The following KATNAL2 variants were observed in gnomAD, a reference collection of about 807,000 sequenced individuals.
The protein encoded by KATNAL2 is katanin catalytic subunit A1 like 2.
Under a neutral mutation model 76.3 loss-of-function variants are expected in KATNAL2, and 52 were observed. That is an observed-to-expected ratio of 0.68 (90% CI 0.55 to 0.86). The LOEUF is 0.86. Ranked by LOEUF, KATNAL2 falls within the 40% of genes least tolerant of loss-of-function variation. The pLI is 0.00. For synonymous variants in KATNAL2, 243 were observed against 244.2 expected, an observed-to-expected ratio of 1.00 and a Z score of 0.05; for missense variants, 660 against 668.9, an observed-to-expected ratio of 0.99 and a Z score of 0.15.
intron 8 of KATNAL2, among the ~76,000 whole-genome samples, chr18:47,061,915 C>T (rs1465407315): frequency 2.0e-5 from 3 of 151,530 alleles, no homozygotes; most frequent in African/African-American, 7.3e-5. Context: ...CTAGGGGGGA[C>T]AGGGTGATAT....
chr18:47,050,069 G>T (rs942177867), intron 4 of KATNAL2, among the ~76,000 whole-genome samples: 10 of 152,120 alleles, frequency 6.6e-5, no homozygotes, highest in Admixed American at 4.6e-4. Flanking sequence ...TGGTAGAGAT[G>T]AGATTTATCT....
chr18:47,070,618 A>C (rs1437040739), intron 13 of KATNAL2, among the ~76,000 whole-genome samples: 1 of 152,184 alleles, frequency 6.6e-6, no homozygotes, highest in Non-Finnish European at 1.5e-5. Flanking sequence ...TGAATATAAA[A>C]TATTACGTAT....
At chr18:47,093,454 G>T (rs1599867818) in intron 15 of KATNAL2, among the ~76,000 whole-genome samples, 2 of 128,720 alleles carry the variant, frequency 1.6e-5, no homozygotes, top group South Asian at 2.5e-4. Context: ...CTGTAATAAT[G>T]TTCTCATTTA....
chr18:47,032,943 G>T (rs140605887), intron 3 of KATNAL2: 27 of 1,612,218 alleles, frequency 1.7e-5, no homozygotes, highest in Middle Eastern at 2.0e-4. Flanking sequence ...TCCCCAACCC[G>T]CATTGACTTT....
Position 47,032,018 on chromosome 18 carries a change from G to A in KATNAL2, c.52-14439G>A, listed in dbSNP as rs575010119. Reference sequence around the variant, plus strand: ...AGACGTCCGTGTGATCTGAACTCAAGGTAGTTAACCCGGTCCTTTCATGGT... The same window carrying A: ...AGACGTCCGTGTGATCTGAACTCAAAGTAGTTAACCCGGTCCTTTCATGGT... On this transcript the variant is annotated intron_variant, in intron 3 of 17. Transcript: ENST00000683218. Among the ~76,000 whole-genome samples, 27 of 152,306 alleles carry A rather than the reference G, an allele frequency of 1.8e-4. No homozygotes were observed. The East Asian group carries it at 5.2e-3, about 29-fold the overall frequency.
In KATNAL2 at chr18:47,100,407, C is replaced by T. The variant is rs531524228; in HGVS notation, c.1477+51C>T. ...GTTCCAGGAATTTGTGTAAAAATCC[C>T]TCTCACCAGCAGATGGAGCCTGGCG... On this transcript the variant is annotated intron_variant, in intron 17 of 17. Transcript: ENST00000683218. 22 of 1,454,374 alleles carry T rather than the reference C, an allele frequency of 1.5e-5. 1 individual carries two copies. The South Asian group carries it at 1.7e-4, about 11-fold the overall frequency. The allele number at this position is 1,454,374 out of a possible 1,614,324, so 90.1% of individuals were successfully genotyped here.
rs113862635 is a variant in KATNAL2 at position 46,959,102 on chromosome 18, G to A, written c.51+12179G>A. ...TAATTGAAAATTTAATTACATCAGT[G>A]CTTTTCTTCAAATAACTGAAGCTTA... On this transcript the variant is annotated intron_variant, in intron 3 of 17. Transcript: ENST00000683218. Among the ~76,000 whole-genome samples the A allele has an allele frequency of 5.2e-3, 796 of 152,276 alleles. 8 individuals are homozygous for A. The highest frequency in any genetic ancestry group is 0.018 in the African/African-American group (766 of 41,560).
intron 15 of KATNAL2, among the ~76,000 whole-genome samples, chr18:47,087,660 C>T (rs72903301): frequency 0.027 from 4,120 of 152,002 alleles, 63 homozygotes; most frequent in Non-Finnish European, 0.041. Flanking sequence ...AAAAGTTTAC[C>T]CCTGAACCTA....
At chr18:47,064,924 A>G (rs1379478762) in intron 10 of KATNAL2, among the ~76,000 whole-genome samples, 1 of 152,006 alleles carries the variant, frequency 6.6e-6, no homozygotes, top group Non-Finnish European at 1.5e-5. Context: ...GTGGAACTCA[A>G]CTCTAGAAGA....
intron 4 of KATNAL2, among the ~76,000 whole-genome samples, chr18:47,048,806 G>A (rs894581676): frequency 5.5e-5 from 8 of 146,060 alleles, no homozygotes; most frequent in African/African-American, 2.0e-4. Context: ...CAGGATATGC[G>A]TATAAACTTA....
intron 1 of KATNAL2, among the ~76,000 whole-genome samples, chr18:46,942,032 G>C (rs985504471): frequency 2.0e-5 from 3 of 152,120 alleles, no homozygotes; most frequent in African/African-American, 7.2e-5. Context: ...TGCTTTGGCG[G>C]GAGTCAGGGC....
At chr18:47,097,798 G>C (rs1356055566) in intron 15 of KATNAL2, among the ~76,000 whole-genome samples, 1 of 152,138 alleles carries the variant, frequency 6.6e-6, no homozygotes, top group African/African-American at 2.4e-5. Context: ...CTTGTGTCAT[G>C]GGGGTTTGCT....
chr18:47,055,127 A>G (rs1165814479), intron 6 of KATNAL2, among the ~76,000 whole-genome samples: 1 of 152,070 alleles, frequency 6.6e-6, no homozygotes, highest in Non-Finnish European at 1.5e-5. Flanking sequence ...TGTCCTTCGC[A>G]TTCCTCTCGC....
intron 13 of KATNAL2, among the ~76,000 whole-genome samples, chr18:47,074,713 C>G (rs759453755): frequency 1.3e-5 from 2 of 152,008 alleles, no homozygotes; most frequent in Non-Finnish European, 2.9e-5. Flanking sequence ...AATTGCCTTC[C>G]GTACCTAAGC....
intron 1 of KATNAL2, among the ~76,000 whole-genome samples, chr18:46,942,699 C>A (rs2059280963): frequency 1.3e-5 from 2 of 152,130 alleles, no homozygotes; most frequent in African/African-American, 4.8e-5. Flanking sequence ...CATAGTTTTC[C>A]TTTCTTGATT....
intron 4 of KATNAL2, among the ~76,000 whole-genome samples, chr18:47,050,283 C>T (rs2061302396): frequency 6.6e-6 from 1 of 152,094 alleles, no homozygotes; most frequent in African/African-American, 2.4e-5. Context: ...AAAACTTAAA[C>T]TCACCATGCC....
intron 3 of KATNAL2, chr18:47,035,391 A>C (rs2060723973): frequency 6.6e-7 from 1 of 1,525,766 alleles, no homozygotes; most frequent in Admixed American, 2.1e-5. Context: ...CGGGATGTGG[A>C]GTCACAGCCT....
chr18:47,037,025 A>G (rs2060802309), intron 3 of KATNAL2, among the ~76,000 whole-genome samples: 1 of 152,242 alleles, frequency 6.6e-6, no homozygotes, highest in Non-Finnish European at 1.5e-5. Context: ...TGTAAAACAG[A>G]AGTATAGTAA....
At chr18:47,083,961 C>T (rs140718900) in intron 15 of KATNAL2, among the ~76,000 whole-genome samples, 8 of 152,220 alleles carry the variant, frequency 5.3e-5, no homozygotes, top group Admixed American at 2.0e-4. Flanking sequence ...GCTAGAAATC[C>T]CAGCAACTCT....
Sources: gnomAD v4.1 joint callset for allele counts (sites outside exome capture counted in the v4.1 genomes callset) on GRCh38, gnomAD v4.1.1 for gene constraint, MANE v1.5 for transcripts, NCBI Gene and HGNC (gene_info 2026-07-23, HGNC 2026-07-21) for gene names.